The following KCNIP4 variants were observed in gnomAD, a reference collection of about 807,000 sequenced individuals.
KCNIP4 encodes the protein Kv channel-interacting protein 4.
A neutral mutation model predicts 34.0 loss-of-function variants in KCNIP4; 12 were observed. That is an observed-to-expected ratio of 0.35 (90% CI 0.23 to 0.57). The LOEUF is 0.57. KCNIP4 is among the 20% of genes least tolerant of loss of function. The probability of loss-of-function intolerance (pLI) is 0.83; values close to 1 mark genes in which losing one functional copy is unlikely to be tolerated. For synonymous variants in KCNIP4, 124 were observed against 102.2 expected, an observed-to-expected ratio of 1.21 and a Z score of -1.29; for missense variants, 238 against 311.7, an observed-to-expected ratio of 0.76 and a Z score of 1.78.
At chr4:21,326,289 C>CATATAT (rs61553563) in intron 1 of KCNIP4, among the ~76,000 whole-genome samples, 234 of 148,654 alleles carry the variant, frequency 1.6e-3, no homozygotes, top group African/African-American at 2.8e-3. Flanking sequence ...GTTGGATATA[C>CATATAT]ATATATATAT....
At chr4:21,944,075 G>A (rs1472533025) in intron 1 of KCNIP4, among the ~76,000 whole-genome samples, 1 of 151,752 alleles carries the variant, frequency 6.6e-6, no homozygotes, top group African/African-American at 2.4e-5. Context: ...TTTCTTATGA[G>A]TCTGACGAGC....
chr4:21,492,431 C>T (rs1732492283), intron 1 of KCNIP4, among the ~76,000 whole-genome samples: 2 of 151,364 alleles, frequency 1.3e-5, no homozygotes, highest in Non-Finnish European at 2.9e-5. Flanking sequence ...TCTTTTTTGC[C>T]CAGGCTGCTC....
rs1337591990 is a variant in KCNIP4, at chr4:21,772,794, T to G, written c.61+175777A>C. On this transcript the variant is annotated intron_variant, in intron 1 of 8. Coordinates refer to ENST00000382152, the MANE Select transcript of KCNIP4 (RefSeq NM_025221.6). The stretch of plus-strand genomic sequence containing the variant: ...CCCCTTTATCATTTTTTATTGCATC[T>G]ATTTTATTCTTCTCCCTCTGCTTTA... 2.0e-5 allele frequency among the ~76,000 whole-genome samples: 3 copies of G among 152,196 alleles called. No homozygotes were observed. The East Asian group carries it at 5.8e-4, about 29-fold the overall frequency.
Position 20,729,489 on chromosome 4 carries a change from A to G in KCNIP4, c.*593T>C, listed in dbSNP as rs907374044. 1 of 119,526 alleles carries G rather than the reference A, an allele frequency of 8.4e-6. No individual in the cohort carries two copies. Among genetic ancestry groups the G allele is most frequent in the Non-Finnish European group, 1.8e-5 (1 of 56,946 alleles). 7.4% of individuals were successfully genotyped at this position (119,526 alleles called of 1,614,324 possible). A position where few individuals can be genotyped will look rare whatever the true frequency, so the allele number is the denominator to read the frequency against. ...TAATAAACTAATTTTTAAATGTTTA[A>G]TAATTTTTAAATGTTTAAAAATGCC... On this transcript the variant is annotated 3_prime_UTR_variant, in exon 9 of 9. Transcript: ENST00000382152.
intron 1 of KCNIP4, among the ~76,000 whole-genome samples, chr4:21,715,524 A>G (rs1054826177): frequency 6.6e-6 from 1 of 152,182 alleles, no homozygotes; most frequent in African/African-American, 2.4e-5. Context: ...CTGCCTCCTT[A>G]GTGAACTGAA....
intron 1 of KCNIP4, among the ~76,000 whole-genome samples, chr4:21,705,499 T>G (rs952694391): frequency 2.0e-5 from 3 of 152,184 alleles, no homozygotes; most frequent in African/African-American, 7.2e-5. Context: ...GCCCCTTCTA[T>G]GCACTACTGT....
At chr4:20,735,530 GTTTT>G (rs10542507) in intron 5 of KCNIP4, among the ~76,000 whole-genome samples, 69 of 109,714 alleles carry the variant, frequency 6.3e-4, no homozygotes, top group African/African-American at 2.0e-3. Context: ...TTTTTTTTTT[GTTTT>G]TTTTTTTTTT....
chr4:21,682,961 T>A (rs747715411), intron 1 of KCNIP4, among the ~76,000 whole-genome samples: 2 of 152,210 alleles, frequency 1.3e-5, no homozygotes, highest in African/African-American at 4.8e-5. Flanking sequence ...ATAATGTGAC[T>A]CAGAAACATG....
intron 1 of KCNIP4, among the ~76,000 whole-genome samples, chr4:21,805,266 G>C (rs1721224466): frequency 6.6e-6 from 1 of 152,104 alleles, no homozygotes; most frequent in African/African-American, 2.4e-5. Flanking sequence ...ATATGGTTGG[G>C]CTCTGTGTCT....
At chr4:21,389,161 A>G (rs1722305827) in intron 1 of KCNIP4, among the ~76,000 whole-genome samples, 1 of 151,672 alleles carries the variant, frequency 6.6e-6, no homozygotes, top group African/African-American at 2.4e-5. Flanking sequence ...AATTTTTTTT[A>G]TAGAGATAGG....
intron 3 of KCNIP4, among the ~76,000 whole-genome samples, chr4:20,771,485 A>G: frequency 6.6e-6 from 1 of 152,146 alleles, no homozygotes; most frequent in East Asian, 1.9e-4. Context: ...ACAGAAAGAG[A>G]AAATAAAAAT....
chr4:21,424,866 A>G (rs927867164), intron 1 of KCNIP4, among the ~76,000 whole-genome samples: 2 of 152,244 alleles, frequency 1.3e-5, no homozygotes. Context: ...ACATGTTGGA[A>G]GAAACAAAAA....
At chr4:21,636,187 C>T (rs1746139401) in intron 1 of KCNIP4, among the ~76,000 whole-genome samples, 1 of 149,854 alleles carries the variant, frequency 6.7e-6, no homozygotes, top group Admixed American at 6.7e-5. Flanking sequence ...ATACCTAACG[C>T]TAGATGACGA....
chr4:21,746,620 C>T (rs1377249241), intron 1 of KCNIP4, among the ~76,000 whole-genome samples: 2 of 151,662 alleles, frequency 1.3e-5, no homozygotes, highest in East Asian at 1.9e-4. Context: ...TAGATATGAG[C>T]ATATTAACTT....
intron 1 of KCNIP4, among the ~76,000 whole-genome samples, chr4:21,051,114 C>T (rs1742891941): frequency 6.6e-6 from 1 of 152,224 alleles, no homozygotes; most frequent in Non-Finnish European, 1.5e-5. Flanking sequence ...AGGAGCTGAG[C>T]CCATGTTTTA....
intron 1 of KCNIP4, among the ~76,000 whole-genome samples, chr4:21,118,235 T>C (rs1412690751): frequency 1.3e-5 from 2 of 151,868 alleles, no homozygotes; most frequent in East Asian, 3.9e-4. Context: ...ACAATTAGAG[T>C]CCAATCCACA....
At chr4:21,586,393 C>G (rs538447354) in intron 1 of KCNIP4, among the ~76,000 whole-genome samples, 39 of 151,944 alleles carry the variant, frequency 2.6e-4, no homozygotes, top group African/African-American at 9.4e-4. Flanking sequence ...TGTCAGAGTT[C>G]CAGCATCTAA....
At chr4:21,445,375 A>C (rs1727889183) in intron 1 of KCNIP4, among the ~76,000 whole-genome samples, 1 of 152,190 alleles carries the variant, frequency 6.6e-6, no homozygotes, top group Non-Finnish European at 1.5e-5. Context: ...TTCAAACTAT[A>C]ATACAAGGCT....
At chr4:21,807,074 A>G (rs1335845134) in intron 1 of KCNIP4, among the ~76,000 whole-genome samples, 1 of 152,036 alleles carries the variant, frequency 6.6e-6, no homozygotes, top group Non-Finnish European at 1.5e-5. Context: ...CAGGCATTAG[A>G]TTCTCATAAG....
Sources: gnomAD v4.1 joint callset for allele counts (sites outside exome capture counted in the v4.1 genomes callset) on GRCh38, gnomAD v4.1.1 for gene constraint, MANE v1.5 for transcripts, NCBI Gene and HGNC (gene_info 2026-07-23, HGNC 2026-07-21) for gene names.